Variants in PDE4D observed in about 807,000 individuals in gnomAD.
The protein encoded by PDE4D is 3',5'-cyclic-AMP phosphodiesterase 4D.
Under a neutral mutation model 87.4 loss-of-function variants are expected in PDE4D, and 24 were observed. The observed-to-expected ratio is 0.27, with a 90% CI of 0.20 to 0.39. The LOEUF is 0.39. Ranked by LOEUF, PDE4D falls within the 10% of genes least tolerant of loss-of-function variation. The probability of loss-of-function intolerance (pLI) is 1.00; values close to 1 mark genes in which losing one functional copy is unlikely to be tolerated. For missense variants in PDE4D, 714 were observed against 1,041.0 expected, an observed-to-expected ratio of 0.69 and a Z score of 4.32; for synonymous variants, 384 against 383.2, an observed-to-expected ratio of 1.00 and a Z score of -0.02.
chr5:59,461,402 G>C (rs981713692), intron 1 of PDE4D, among the ~76,000 whole-genome samples: 1 of 151,764 alleles, frequency 6.6e-6, no homozygotes, highest in Non-Finnish European at 1.5e-5. Context: ...AAAAATAAAA[G>C]AAACATCAAA....
At chr5:59,016,000 C>T (rs936125439) in intron 6 of PDE4D, among the ~76,000 whole-genome samples, 17 of 152,128 alleles carry the variant, frequency 1.1e-4, no homozygotes, top group Admixed American at 4.6e-4. Context: ...AACTGGAAGC[C>T]ATCATTCTGA....
rs553725189 is a variant in PDE4D, at chr5:60,260,355, G to A, written c.-89-74668C>T. Among the ~76,000 whole-genome samples the A allele has an allele frequency of 1.6e-4, 24 of 152,014 alleles. No individual in the cohort carries two copies. In the East Asian group the frequency reaches 2.7e-3, roughly 17 times the overall value. On this transcript the variant is annotated intron_variant, in intron 1 of 16. Transcript: ENST00000502484. ...TGAGTCATATCCATGCTAATCCTAT[G>A]TCCTATACATCATAGACCCTGTCAC...
At chr5:59,852,824 T>TA (rs571138500) in intron 1 of PDE4D, among the ~76,000 whole-genome samples, 3,002 of 141,886 alleles carry the variant, frequency 0.021, 36 homozygotes, top group African/African-American at 0.028. Flanking sequence ...GAGACAGGAA[T>TA]AAAAAAAAAA....
intron 3 of PDE4D, among the ~76,000 whole-genome samples, chr5:59,186,437 A>T (rs1039896119): frequency 6.6e-6 from 1 of 152,196 alleles, no homozygotes; most frequent in Non-Finnish European, 1.5e-5. Flanking sequence ...CTTTGACTTA[A>T]TGACTTGGCA....
chr5:59,618,041 C>T (rs1829917237), intron 1 of PDE4D, among the ~76,000 whole-genome samples: 1 of 151,844 alleles, frequency 6.6e-6, no homozygotes, highest in South Asian at 2.1e-4. Context: ...CTGAATACTC[C>T]TCATTTCATT....
intron 1 of PDE4D, among the ~76,000 whole-genome samples, chr5:59,484,490 C>T (rs993012594): frequency 6.6e-6 from 1 of 152,086 alleles, no homozygotes; most frequent in Non-Finnish European, 1.5e-5. Flanking sequence ...ATAATCTAGA[C>T]CAGTTAAAGC....
At chr5:59,834,655 T>C (rs959780159) in intron 1 of PDE4D, among the ~76,000 whole-genome samples, 3 of 152,056 alleles carry the variant, frequency 2.0e-5, no homozygotes, top group Non-Finnish European at 4.4e-5. Context: ...TCGTACTCTT[T>C]AGGCGAAGAA....
At chr5:60,299,151 GT>G (rs1301499897) in intron 1 of PDE4D, among the ~76,000 whole-genome samples, 1 of 152,040 alleles carries the variant, frequency 6.6e-6, no homozygotes, top group Non-Finnish European at 1.5e-5. Flanking sequence ...GGAATTTTAG[GT>G]TCAAAATAGC....
intron 2 of PDE4D, among the ~76,000 whole-genome samples, chr5:60,098,051 T>C (rs543343352): frequency 1.3e-5 from 2 of 152,044 alleles, no homozygotes; most frequent in South Asian, 2.1e-4. Context: ...TCATCTAAAC[T>C]GAAATTTTCC....
At chr5:59,023,901 C>CTTTT (rs200528506) in intron 6 of PDE4D, among the ~76,000 whole-genome samples, 2 of 133,272 alleles carry the variant, frequency 1.5e-5, no homozygotes, top group Admixed American at 7.7e-5. Context: ...ATGAATTCTA[C>CTTTT]TTTTTTTTTT....
intron 2 of PDE4D, among the ~76,000 whole-genome samples, chr5:60,152,652 CAA>C (rs35561110): frequency 0.16 from 20,642 of 129,934 alleles, 1,428 homozygotes; most frequent in Middle Eastern, 0.25. Context: ...GACTCTGTCT[CAA>C]AAAAAAAAAA....
At chr5:59,464,219 TGAG>T (rs1801216174) in intron 1 of PDE4D, among the ~76,000 whole-genome samples, 1 of 152,166 alleles carries the variant, frequency 6.6e-6, no homozygotes, top group South Asian at 2.1e-4. Flanking sequence ...GGGTCTGTGC[TGAG>T]GAGGATTAGT....
At chr5:59,689,337 C>A (rs947598513) in intron 1 of PDE4D, among the ~76,000 whole-genome samples, 4 of 152,170 alleles carry the variant, frequency 2.6e-5, no homozygotes, top group Non-Finnish European at 5.9e-5. Context: ...TACTGGCAAA[C>A]CGAAGCCAGC....
chr5:59,110,042 A>T (rs1014559391), intron 5 of PDE4D, among the ~76,000 whole-genome samples: 10 of 152,110 alleles, frequency 6.6e-5, no homozygotes, highest in African/African-American at 2.4e-4. Flanking sequence ...GGCCCTCAAA[A>T]CTATGACCAC....
chr5:59,120,085 G>A (rs550209811), intron 5 of PDE4D, among the ~76,000 whole-genome samples: 12 of 152,086 alleles, frequency 7.9e-5, no homozygotes, highest in African/African-American at 2.4e-4. Context: ...CTCCTACATC[G>A]GCCTCCCGAA....
intron 1 of PDE4D, among the ~76,000 whole-genome samples, chr5:60,387,198 T>A (rs1414762982): frequency 6.6e-6 from 1 of 152,240 alleles, no homozygotes; most frequent in Non-Finnish European, 1.5e-5. Context: ...ACTTGGAACG[T>A]CCTGCTCATA....
chr5:59,629,931 T>C (rs1831355639), intron 1 of PDE4D, among the ~76,000 whole-genome samples: 1 of 152,206 alleles, frequency 6.6e-6, no homozygotes, highest in Admixed American at 6.5e-5. Context: ...TTTTACTACC[T>C]TGACTTATCT....
At chr5:59,371,946 G>A (rs535297996) in intron 1 of PDE4D, among the ~76,000 whole-genome samples, 1 of 152,300 alleles carries the variant, frequency 6.6e-6, no homozygotes, top group Non-Finnish European at 1.5e-5. Flanking sequence ...ACCTCCTGGG[G>A]CTGTATAACC....
chr5:60,307,497 C>A (rs1485197755), intron 1 of PDE4D, among the ~76,000 whole-genome samples: 1 of 152,034 alleles, frequency 6.6e-6, no homozygotes, highest in Non-Finnish European at 1.5e-5. Flanking sequence ...TACATGCCAG[C>A]AAATTCTCAG....
Sources: gnomAD v4.1 joint callset for allele counts (sites outside exome capture counted in the v4.1 genomes callset) on GRCh38, gnomAD v4.1.1 for gene constraint, MANE v1.5 for transcripts, NCBI Gene and HGNC (gene_info 2026-07-23, HGNC 2026-07-21) for gene names.